PPP2R3C: variants seen among roughly 807,000 people sequenced by gnomAD.
PPP2R3C encodes the protein protein phosphatase 2 regulatory subunit B''gamma.
Under a neutral mutation model 63.7 loss-of-function variants are expected in PPP2R3C, and 47 were observed. The ratio of observed to expected loss-of-function variants is 0.74; its 90% CI spans 0.58 to 0.94. The LOEUF (loss-of-function observed/expected upper bound fraction) is 0.94. Ranked by LOEUF, PPP2R3C falls within the 40% of genes least tolerant of loss-of-function variation. The pLI is 0.00. For synonymous variants in PPP2R3C, 180 were observed against 177.4 expected, an observed-to-expected ratio of 1.01 and a Z score of -0.12; for missense variants, 421 against 518.4, an observed-to-expected ratio of 0.81 and a Z score of 1.82.
At chr14:35,121,879 G>C in intron 1 of PPP2R3C, 23 bp downstream of exon 1, 1 of 1,613,670 alleles carries the variant, frequency 6.2e-7, no homozygotes. Context: ...CCATCCCAAC[G>C]GGCTGCCCCT....
intron 12 of PPP2R3C, chr14:35,087,464 A>G (rs760265642): frequency 3.1e-5 from 5 of 162,638 alleles, no homozygotes; most frequent in Non-Finnish European, 5.4e-5. Flanking sequence ...CAGTGGCACA[A>G]TCTCAGCTCA....
upstream of PPP2R3C, chr14:35,122,013 C>A (rs952371715): frequency 6.2e-7 from 1 of 1,601,144 alleles, no homozygotes; most frequent in Admixed American, 1.7e-5. Context: ...CTGCTCCACC[C>A]CTACCAGCTC....
chr14:35,103,294 C>A (rs905425120), intron 6 of PPP2R3C, among the ~76,000 whole-genome samples: 5 of 152,144 alleles, frequency 3.3e-5, no homozygotes, highest in Admixed American at 2.6e-4. Flanking sequence ...CCTTCTGTTC[C>A]TAGAACAGGT....
intron 10 of PPP2R3C, among the ~76,000 whole-genome samples, chr14:35,091,901 A>G (rs140958041): frequency 6.6e-6 from 1 of 151,022 alleles, no homozygotes; most frequent in African/African-American, 2.4e-5. Context: ...TTATATTTTT[A>G]GTAGAGACAG....
chr14:35,106,663 ATTTTTTT>A (rs35661935), intron 6 of PPP2R3C, among the ~76,000 whole-genome samples: 2 of 100,404 alleles, frequency 2.0e-5, no homozygotes, highest in Admixed American at 1.1e-4. Context: ...CAGCCAATAC[ATTTTTTT>A]TTTTTTTTTT....
intron 10 of PPP2R3C, among the ~76,000 whole-genome samples, chr14:35,094,434 G>A (rs1239692871): frequency 2.6e-5 from 4 of 151,130 alleles, no homozygotes; most frequent in Non-Finnish European, 4.4e-5. Flanking sequence ...CTCCCAAAGC[G>A]CTGGGATTAT....
intron 10 of PPP2R3C, among the ~76,000 whole-genome samples, chr14:35,093,507 C>G (rs1296559508): frequency 6.6e-6 from 1 of 152,000 alleles, no homozygotes; most frequent in African/African-American, 2.4e-5. Flanking sequence ...ATTTTCTGTG[C>G]CTTTTCCCCT....
intron 2 of PPP2R3C, among the ~76,000 whole-genome samples, chr14:35,115,770 C>T (rs980238175): frequency 2.6e-5 from 4 of 152,030 alleles, no homozygotes; most frequent in Non-Finnish European, 2.9e-5. Context: ...TACCGGCGCG[C>T]GCCACCACGC....
intron 2 of PPP2R3C, among the ~76,000 whole-genome samples, chr14:35,114,993 CA>C (rs554916522): frequency 5.3e-4 from 75 of 142,744 alleles, no homozygotes; most frequent in African/African-American, 1.9e-3. Flanking sequence ...GACTCCATCT[CA>C]AAAAAAAAAC....
chr14:35,104,228 G>GA (rs1342610348), intron 6 of PPP2R3C, among the ~76,000 whole-genome samples: 1 of 152,182 alleles, frequency 6.6e-6, no homozygotes, highest in Non-Finnish European at 1.5e-5. Context: ...TTCCTTGCCA[G>GA]AAGCAAGAGC....
At position 35,095,183 on chromosome 14, in the gene PPP2R3C, G is replaced by A; in HGVS notation, c.840C>T (p.Gly280=). The change falls in exon 10 of 13, where the codon GGC becomes GGT. Residue 280 remains glycine, a splice_region_variant and synonymous_variant. Transcript: ENST00000261475. ...GATCTTTATCAAGATTCAAGTACTGGCCTTGGGAAGAAAAATAATAAAGAC... is the reference window on the plus strand; with the variant it reads ...GATCTTTATCAAGATTCAAGTACTGACCTTGGGAAGAAAAATAATAAAGAC... ...FSAPSALRVY[G]QYLNLDKDHN... is the part of the protein sequence containing the mutation. 6.2e-7 allele frequency: 1 copy of A among 1,610,192 alleles called. No homozygotes were observed. Among genetic ancestry groups the A allele is most frequent in the Non-Finnish European group, 8.5e-7 (1 of 1,178,640 alleles).
chr14:35,093,376 G>T (rs2045893280), intron 10 of PPP2R3C, among the ~76,000 whole-genome samples: 1 of 152,080 alleles, frequency 6.6e-6, no homozygotes, highest in African/African-American at 2.4e-5. Context: ...AAAGAATGCA[G>T]ATTGTGATCT....
At chr14:35,118,272 G>A (rs1237105812) in intron 1 of PPP2R3C, among the ~76,000 whole-genome samples, 1 of 152,084 alleles carries the variant, frequency 6.6e-6, no homozygotes. Flanking sequence ...AGTTTAAGAT[G>A]GGAGAAATAC....
At chr14:35,107,980 G>T in intron 5 of PPP2R3C, 159 bp downstream of exon 5, 2 of 1,147,764 alleles carry the variant, frequency 1.7e-6, no homozygotes, top group Non-Finnish European at 1.1e-6. Context: ...GTTTTTTTAT[G>T]CTAACCCAAG....
chr14:35,115,801 G>A (rs1004237783), intron 2 of PPP2R3C, among the ~76,000 whole-genome samples: 1 of 151,850 alleles, frequency 6.6e-6, no homozygotes, highest in African/African-American at 2.4e-5. Context: ...TTTGTATTTT[G>A]AGTAGAGACA....
chr14:35,093,192 G>A (rs989127617), intron 10 of PPP2R3C, among the ~76,000 whole-genome samples: 10 of 151,714 alleles, frequency 6.6e-5, no homozygotes, highest in African/African-American at 1.9e-4. Context: ...CAGCCTGGGC[G>A]ACAGAGGGAG....
chr14:35,089,367 G>A (rs962519613), intron 11 of PPP2R3C, among the ~76,000 whole-genome samples: 1 of 151,770 alleles, frequency 6.6e-6, no homozygotes, highest in East Asian at 1.9e-4. Flanking sequence ...GCCTCCCAAC[G>A]TGCTGGGATT....
In PPP2R3C at chr14:35,085,600, T is replaced by A; in HGVS notation, c.1352A>T (p.Asp451Val). The change falls in exon 13 of 13, where the codon GAT (aspartate) becomes GTT (valine). Residue 451 changes from aspartate (D) to valine (V), a missense_variant. Asp to Val is a radical substitution (Grantham distance 152). Around this residue, in one of 3 missense-constraint regions of PPP2R3C, gnomAD observed 231 missense variants for 264.8 expected, o/e 0.87. Coordinates refer to ENST00000261475, the MANE Select transcript of PPP2R3C (RefSeq NM_017917.4). ...ANDSENSADL[D>V]DT ...CTAGTCTTTCAGAGATCATGTATCA[T>A]CAAGGTCTGCAGAGTTTTCACTGTC... 1 of 1,607,124 alleles carries A rather than the reference T, an allele frequency of 6.2e-7. No homozygotes were observed. The highest frequency in any genetic ancestry group is 8.5e-7 in the Non-Finnish European group (1 of 1,177,514).
At chr14:35,116,852 C>A in intron 1 of PPP2R3C, 115 bp from the exon 2 acceptor site, 1 of 855,086 alleles carries the variant, frequency 1.2e-6, no homozygotes, top group East Asian at 3.4e-5. Context: ...GCCAAAAAGG[C>A]CTTCACAATT....
Sources: gnomAD v4.1 joint callset for allele counts (sites outside exome capture counted in the v4.1 genomes callset) on GRCh38, gnomAD v4.1.1 for gene constraint, gnomAD v4.1.1 regional missense constraint, MANE v1.5 for transcripts, NCBI Gene and HGNC (gene_info 2026-07-23, HGNC 2026-07-21) for gene names.